The following PCGF5 variants were observed in gnomAD, a reference collection of about 807,000 sequenced individuals.
PCGF5 encodes polycomb group RING finger protein 5.
In PCGF5, 9 loss-of-function variants were observed where a neutral mutation model predicts 44.3. The ratio of observed to expected loss-of-function variants is 0.20; its 90% CI spans 0.12 to 0.35. PCGF5 has a LOEUF of 0.35. Among genes scored for constraint, PCGF5 ranks in the 10% least tolerant of loss-of-function variants. The probability of loss-of-function intolerance (pLI) is 1.00; values close to 1 mark genes in which losing one functional copy is unlikely to be tolerated. For missense variants in PCGF5, 146 were observed against 305.3 expected (o/e 0.48, Z 3.89); for synonymous variants, 95 against 102.5 (o/e 0.93, Z 0.44).
chr10:91,181,446 G>A (rs1415796051), intron 1 of PCGF5, among the ~76,000 whole-genome samples: 1 of 152,218 alleles, frequency 6.6e-6, no homozygotes, highest in African/African-American at 2.4e-5. Flanking sequence ...TTTTCAAGGG[G>A]AATGCTTCCA....
chr10:91,187,711 C>G (rs2133205607), intron 1 of PCGF5, among the ~76,000 whole-genome samples: 1 of 152,176 alleles, frequency 6.6e-6, no homozygotes, highest in African/African-American at 2.4e-5. Context: ...TCAAAGAAGT[C>G]TATATATTTA....
chr10:91,192,919 G>T (rs1429233108), intron 1 of PCGF5, among the ~76,000 whole-genome samples: 1 of 151,718 alleles, frequency 6.6e-6, no homozygotes, highest in Non-Finnish European at 1.5e-5. Flanking sequence ...TGGCAAAAGG[G>T]ACTTTCCAGA....
chr10:91,264,316 A>G, intron 7 of PCGF5, 115 bp from the exon 8 acceptor site: 1 of 776,822 alleles, frequency 1.3e-6, no homozygotes, highest in Non-Finnish European at 2.0e-6. Context: ...TATTTAAAAT[A>G]ATGGATAATA....
chr10:91,173,578 C>CTTTT (rs59254639), intron 1 of PCGF5, among the ~76,000 whole-genome samples: 8 of 115,638 alleles, frequency 6.9e-5, no homozygotes, highest in Non-Finnish European at 1.2e-4. Flanking sequence ...AGGGAGTTGG[C>CTTTT]TTTTTTTTTT....
intron 9 of PCGF5, among the ~76,000 whole-genome samples, chr10:91,276,240 A>G (rs1409886806): frequency 6.6e-6 from 1 of 152,204 alleles, no homozygotes; most frequent in African/African-American, 2.4e-5. Flanking sequence ...CCAAATCTAC[A>G]CTAAAAACAA....
At chr10:91,232,148 G>A (rs1257650623) in intron 2 of PCGF5, among the ~76,000 whole-genome samples, 1 of 152,128 alleles carries the variant, frequency 6.6e-6, no homozygotes, top group Non-Finnish European at 1.5e-5. Flanking sequence ...TAGTGTTGAG[G>A]AGGTGGGATC....
chr10:91,231,994 A>G (rs75457828), intron 2 of PCGF5, among the ~76,000 whole-genome samples: 206 of 152,318 alleles, frequency 1.4e-3, no homozygotes, highest in Non-Finnish European at 2.2e-3. Flanking sequence ...GACTCCTGGA[A>G]TGATCAGCAT....
intron 1 of PCGF5, among the ~76,000 whole-genome samples, chr10:91,185,765 G>C (rs966231774): frequency 6.6e-6 from 1 of 152,176 alleles, no homozygotes; most frequent in Admixed American, 6.5e-5. Flanking sequence ...GATTGGTGGG[G>C]CAAGTGTGGT....
chr10:91,212,467 C>G (rs917046491), intron 1 of PCGF5, among the ~76,000 whole-genome samples: 1 of 152,078 alleles, frequency 6.6e-6, no homozygotes, highest in Non-Finnish European at 1.5e-5. Flanking sequence ...TTATTCTGGT[C>G]AGTTAGAGGA....
chr10:91,254,203 C>CGTGTGTGTGTGTGTGTGTGTGT (rs148669111), intron 6 of PCGF5, among the ~76,000 whole-genome samples: 2 of 147,942 alleles, frequency 1.4e-5, no homozygotes, highest in Non-Finnish European at 3.0e-5. Flanking sequence ...CCCTCCACCT[C>CGTGTGTGTGTGTGTGTGTGTGT]GTGTGTGTGT....
chr10:91,180,988 A>G (rs1843807495), intron 1 of PCGF5, among the ~76,000 whole-genome samples: 1 of 152,146 alleles, frequency 6.6e-6, no homozygotes. Flanking sequence ...ATGAGCATGG[A>G]ATGTTTTTCA....
At chr10:91,197,325 C>T (rs1484679197) in intron 1 of PCGF5, among the ~76,000 whole-genome samples, 2 of 152,146 alleles carry the variant, frequency 1.3e-5, no homozygotes, top group Non-Finnish European at 2.9e-5. Context: ...GGGCACGTCC[C>T]TCTCTCTATG....
chr10:91,169,628 CAAA>C (rs1334562949), intron 1 of PCGF5, among the ~76,000 whole-genome samples: 2 of 152,046 alleles, frequency 1.3e-5, no homozygotes, highest in African/African-American at 4.8e-5. Flanking sequence ...TAAAAGAAAT[CAAA>C]GAAGAATTAA....
At chr10:91,212,112 C>T (rs760482135) in intron 1 of PCGF5, among the ~76,000 whole-genome samples, 1 of 152,162 alleles carries the variant, frequency 6.6e-6, no homozygotes, top group Non-Finnish European at 1.5e-5. Context: ...ATATAAAATG[C>T]TTAGCAAAAT....
intron 1 of PCGF5, among the ~76,000 whole-genome samples, chr10:91,173,050 G>T (rs1164745080): frequency 1.3e-5 from 2 of 152,164 alleles, no homozygotes; most frequent in African/African-American, 4.8e-5. Context: ...TTCCTCATCT[G>T]TAGTGTAGGA....
chr10:91,235,823 A>G (rs7098133), intron 2 of PCGF5, among the ~76,000 whole-genome samples: 60,841 of 152,046 alleles, frequency 0.4, 13,187 homozygotes, highest in African/African-American at 0.55. Context: ...CTTGCCTTCT[A>G]CCTTGATTGT....
Position 91,278,858 on chromosome 10 carries a change from A to T in PCGF5, c.*542A>T, listed in dbSNP as rs1011286874. ...AAAAAAGTTCATTCTTGAGTGTGCAAGTCCTTTTGCCAAGAATTCCAATTA... is the reference window on the plus strand; with the variant it reads ...AAAAAAGTTCATTCTTGAGTGTGCATGTCCTTTTGCCAAGAATTCCAATTA... On this transcript the variant is annotated 3_prime_UTR_variant, in exon 10 of 10. Transcript: ENST00000336126. The T allele has an allele frequency of 6.5e-6, 1 of 153,426 alleles. No individual in the cohort carries two copies. The allele number at this position is 153,426 out of a possible 1,614,324, so 9.5% of individuals were successfully genotyped here.
chr10:91,271,681 A>G lies in PCGF5; in HGVS notation c.707A>G (p.Asp236Gly). ...TCAGCTTCGCAAGTCTGCTCTCAGG[A>G]TGGCCCTTTGTATCAGGTAAGAGGC... Reference protein sequence around the residue: ...NCSASQVCSQDGPLYQSYPMV... With the variant: ...NCSASQVCSQGGPLYQSYPMV... The change falls in exon 9 of 10, where the codon GAT becomes GGT. Residue 236 changes from aspartate (D) to glycine (G), a missense_variant. Coordinates refer to ENST00000336126, the MANE Select transcript of PCGF5 (RefSeq NM_032373.5). The G allele has an allele frequency of 6.2e-7, 1 of 1,613,820 alleles. No homozygotes were observed. Among genetic ancestry groups the G allele is most frequent in the Non-Finnish European group, 8.5e-7 (1 of 1,179,830 alleles).
chr10:91,253,360 T>C (rs12775958), intron 6 of PCGF5, among the ~76,000 whole-genome samples: 19,758 of 151,828 alleles, frequency 0.13, 2,408 homozygotes, highest in African/African-American at 0.32. Context: ...TAGGGCCTCA[T>C]GTCTGTTGTT....
Sources: gnomAD v4.1 joint callset for allele counts (sites outside exome capture counted in the v4.1 genomes callset) on GRCh38, gnomAD v4.1.1 for gene constraint, MANE v1.5 for transcripts, NCBI Gene and HGNC (gene_info 2026-07-23, HGNC 2026-07-21) for gene names.